ABCC1: variants seen among roughly 807,000 people sequenced by gnomAD.
ABCC1 encodes the protein ATP binding cassette subfamily C member 1 (ABCC1 blood group).
Under a neutral mutation model 172.9 loss-of-function variants are expected in ABCC1, and 83 were observed. The ratio of observed to expected loss-of-function variants is 0.48; its 90% confidence interval spans 0.40 to 0.58. The LOEUF is 0.58. Ranked by LOEUF, ABCC1 falls within the 20% of genes least tolerant of loss-of-function variation. ABCC1 has a pLI of 0.00. For synonymous variants in ABCC1, 937 were observed against 825.2 expected (o/e 1.14, Z -2.32); for missense variants, 1,817 against 2,002.7 (o/e 0.91, Z 1.77).
At chr16:16,112,150 G>A (rs965524031) in intron 22 of ABCC1, among the ~76,000 whole-genome samples, 1 of 152,156 alleles carries the variant, frequency 6.6e-6, no homozygotes, top group South Asian at 2.1e-4. Flanking sequence ...CCAGATATTC[G>A]AGACCAGCCT....
At chr16:16,126,953 C>G (rs2045466807) in intron 26 of ABCC1, among the ~76,000 whole-genome samples, 1 of 152,152 alleles carries the variant, frequency 6.6e-6, no homozygotes, top group Non-Finnish European at 1.5e-5. Flanking sequence ...GGGACAACAG[C>G]TGATCCAAGG....
Position 15,982,446 on chromosome 16 carries a change from G to T in ABCC1, c.49-25370G>T, listed in dbSNP as rs929089267. Among the ~76,000 whole-genome samples, 3 of 152,138 alleles carry T rather than the reference G, an allele frequency of 2.0e-5. No homozygotes were observed. The East Asian group carries it at 5.8e-4, about 29-fold the overall frequency. On this transcript the variant is annotated intron_variant, in intron 1 of 30. Transcript: ENST00000399410. The stretch of plus-strand genomic sequence containing the variant: ...CAGGAAGGAGAAGTGCTGAGCAAAA[G>T]TGCTTCTTTTGCTGAGAAGTGTTGA...
chr16:15,955,362 A>G (rs1204908770), intron 1 of ABCC1, among the ~76,000 whole-genome samples: 1 of 152,128 alleles, frequency 6.6e-6, no homozygotes, highest in Non-Finnish European at 1.5e-5. Context: ...TCTCAAAAAA[A>G]AAGAAAACAG....
chr16:16,017,675 C>T lies in ABCC1; in HGVS notation c.615+1054C>T, dbSNP rs557324792. Reference sequence around the variant, plus strand: ...CCTCTTGCCTTGGCCTCTCAAAGTGCTGGGATTACAGGTGTGAGTCACCAC... The same window carrying T: ...CCTCTTGCCTTGGCCTCTCAAAGTGTTGGGATTACAGGTGTGAGTCACCAC... On this transcript the variant is annotated intron_variant, in intron 5 of 30. Coordinates refer to ENST00000399410, the MANE Select transcript of ABCC1 (RefSeq NM_004996.4). 5.8e-4 allele frequency among the ~76,000 whole-genome samples: 89 copies of T among 152,246 alleles called. 1 individual carries two copies. Among genetic ancestry groups the T allele is most frequent in the Admixed American group, 1.2e-3 (19 of 15,278 alleles).
intron 1 of ABCC1, among the ~76,000 whole-genome samples, chr16:15,969,105 G>A (rs886508267): frequency 1.2e-4 from 19 of 152,194 alleles, no homozygotes; most frequent in Admixed American, 4.6e-4. Flanking sequence ...TGGGAAGGGG[G>A]AGGCATAAGG....
chr16:16,125,984 T>C, intron 26 of ABCC1, 73 bp downstream of exon 26: 2 of 1,117,806 alleles, frequency 1.8e-6, no homozygotes, highest in Non-Finnish European at 2.6e-6. Context: ...CTGGACCCTA[T>C]CCTGTGCACC....
chr16:16,001,464 T>A (rs1403932344), intron 1 of ABCC1, among the ~76,000 whole-genome samples: 1 of 152,124 alleles, frequency 6.6e-6, no homozygotes, highest in Non-Finnish European at 1.5e-5. Context: ...CCTCCCAAAG[T>A]GCTGGGATTA....
intron 12 of ABCC1, among the ~76,000 whole-genome samples, chr16:16,066,208 G>A (rs952107894): frequency 6.6e-6 from 1 of 151,750 alleles, no homozygotes; most frequent in African/African-American, 2.4e-5. Context: ...TTGAGACGAA[G>A]TGTCTCCCTT....
chr16:16,138,232 T>G (rs1209186994), intron 29 of ABCC1, 132 bp from the exon 30 acceptor site: 1 of 699,602 alleles, frequency 1.4e-6, no homozygotes, highest in Non-Finnish European at 2.3e-6. Flanking sequence ...GACACAGATG[T>G]TGGGAGTGGA....
Position 16,115,109 on chromosome 16 carries a change from C to T in ABCC1, c.3390+33C>T, listed in dbSNP as rs551667046. 2.1e-5 allele frequency: 33 copies of T among 1,598,110 alleles called. No homozygotes were observed. In the East Asian group the frequency reaches 6.3e-4, roughly 30 times the overall value. ...GTGAGGTCTTAGTGTTCGGGACAAG[C>T]CCTACTGTGCATTATATACCAGTGT... On this transcript the variant is annotated intron_variant, in intron 23 of 30. Coordinates refer to ENST00000399410, the MANE Select transcript of ABCC1 (RefSeq NM_004996.4).
chr16:15,995,225 G>T (rs890325933), intron 1 of ABCC1, among the ~76,000 whole-genome samples: 2 of 152,106 alleles, frequency 1.3e-5, no homozygotes, highest in African/African-American at 4.8e-5. Flanking sequence ...AATGGGTTAC[G>T]TTATAGTACC....
intron 5 of ABCC1, among the ~76,000 whole-genome samples, chr16:16,031,021 G>A (rs1273653518): frequency 6.6e-6 from 1 of 151,938 alleles, no homozygotes; most frequent in African/African-American, 2.4e-5. Flanking sequence ...CTAATTTTTT[G>A]TATTTTTGGT....
chr16:16,082,271 C>G (rs1482800858), intron 16 of ABCC1, among the ~76,000 whole-genome samples: 1 of 152,154 alleles, frequency 6.6e-6, no homozygotes, highest in Non-Finnish European at 1.5e-5. Flanking sequence ...TCATTCTTCA[C>G]TTTTTGGTTC....
At chr16:16,087,339 C>G (rs1033922306) in intron 18 of ABCC1, among the ~76,000 whole-genome samples, 1 of 152,148 alleles carries the variant, frequency 6.6e-6, no homozygotes. Context: ...GCAGAGGTGT[C>G]TGTGGGTAGA....
intron 1 of ABCC1, among the ~76,000 whole-genome samples, chr16:15,979,320 CA>C (rs979373238): frequency 1.2e-4 from 18 of 151,508 alleles, no homozygotes; most frequent in African/African-American, 4.4e-4. Flanking sequence ...AAAAAAAAAA[CA>C]AAATTTTTTT....
chr16:15,971,357 G>T (rs1444600548), intron 1 of ABCC1, among the ~76,000 whole-genome samples: 1 of 152,184 alleles, frequency 6.6e-6, no homozygotes, highest in Non-Finnish European at 1.5e-5. Flanking sequence ...GGGCAAGAAG[G>T]CTGTGGGAAT....
chr16:15,989,387 G>A (rs1417520875), intron 1 of ABCC1, among the ~76,000 whole-genome samples: 1 of 152,178 alleles, frequency 6.6e-6, no homozygotes, highest in Non-Finnish European at 1.5e-5. Flanking sequence ...CTCCTGCTGT[G>A]TCGGGGCTGG....
rs776611655 is a variant in ABCC1, at chr16:16,052,745, G to T, written c.1402G>T (p.Ala468Ser). The change falls in exon 11 of 31, where the codon GCT becomes TCT. Residue 468 changes from alanine (A) to serine (S), a missense_variant. Around this residue, in one of 3 missense-constraint regions of ABCC1, gnomAD observed 1,412 missense variants for 1,600.3 expected, o/e 0.88. Transcript: ENST00000399410. The stretch of plus-strand genomic sequence containing the variant: ...TTAGAATCTGGGCCCTTCCGTCCTG[G>T]CTGGAGTGGCGGTGATGGTCCTCAT... ...LWLNLGPSVLAGVAVMVLMVP... is the reference protein window; with the variant it reads ...LWLNLGPSVLSGVAVMVLMVP... The T allele has an allele frequency of 6.2e-7, 1 of 1,614,164 alleles. No individual in the cohort carries two copies. Among genetic ancestry groups the T allele is most frequent in the Non-Finnish European group, 8.5e-7 (1 of 1,180,016 alleles).
chr16:15,974,599 T>A (rs2046442941), intron 1 of ABCC1, among the ~76,000 whole-genome samples: 1 of 152,172 alleles, frequency 6.6e-6, no homozygotes, highest in South Asian at 2.1e-4. Context: ...ATGCTGCGTT[T>A]CATGGAATCC....
Sources: gnomAD v4.1 joint callset for allele counts (sites outside exome capture counted in the v4.1 genomes callset) on GRCh38, gnomAD v4.1.1 for gene constraint, gnomAD v4.1.1 regional missense constraint, MANE v1.5 for transcripts, NCBI Gene and HGNC (gene_info 2026-07-23, HGNC 2026-07-21) for gene names.